NDUFA12: variants seen among roughly 807,000 people sequenced by gnomAD.
The protein encoded by NDUFA12 is NADH dehydrogenase [ubiquinone] 1 alpha subcomplex subunit 12.
In NDUFA12, 17 loss-of-function variants were observed where a neutral mutation model predicts 20.3. The observed-to-expected ratio is 0.84, with a 90% CI of 0.57 to 1.26. The LOEUF is 1.26. Among genes scored for constraint, NDUFA12 ranks in the 50% most tolerant of loss-of-function variants. The pLI is 0.00. For missense variants in NDUFA12, 191 were observed against 183.7 expected (o/e 1.04, Z -0.23); for synonymous variants, 72 against 63.6 (o/e 1.13, Z -0.63).
Position 94,971,599 on chromosome 12 carries a change from C to T in NDUFA12, c.279G>A (p.Met93Ile). ...GTTTTGTTGTTGGAGGATCATCAGT[C>T]ATACTGTGAAGCCAACGATGCCTTA... ...PPEWHRWLHS[M>I]TDDPPTTKPL... The change falls in exon 4 of 4, where the codon ATG (methionine) becomes ATA (isoleucine). Residue 93 changes from methionine (M) to isoleucine (I), a missense_variant. Coordinates refer to ENST00000327772, the MANE Select transcript of NDUFA12 (RefSeq NM_018838.5). The T allele has an allele frequency of 1.2e-6, 2 of 1,614,076 alleles. No homozygotes were observed. Among genetic ancestry groups the T allele is most frequent in the Non-Finnish European group, 1.7e-6 (2 of 1,180,014 alleles).
intron 2 of NDUFA12, chr12:94,997,176 C>T (rs1443563015): frequency 9.2e-6 from 2 of 218,164 alleles, no homozygotes; most frequent in Admixed American, 6.1e-5. Flanking sequence ...CCTCATCACA[C>T]TCACACATAC....
At chr12:95,001,556 A>G (rs563029537) in intron 2 of NDUFA12, among the ~76,000 whole-genome samples, 2 of 152,078 alleles carry the variant, frequency 1.3e-5, no homozygotes, top group East Asian at 3.9e-4. Flanking sequence ...TGAGCCCAGA[A>G]AGTTGAGGCT....
In NDUFA12 at chr12:95,003,691, T is replaced by C. The variant is rs200224620; in HGVS notation, c.-11A>G. 586 of 1,614,122 alleles carry C rather than the reference T, an allele frequency of 3.6e-4. No individual in the cohort carries two copies. The highest frequency in any genetic ancestry group is 7.2e-4 in the Admixed American group (43 of 60,024). On this transcript the variant is annotated 5_prime_UTR_variant, in exon 1 of 4. Coordinates refer to ENST00000327772, the MANE Select transcript of NDUFA12 (RefSeq NM_018838.5). ...CTGCACTAACTCCATCTTGCCTCGC[T>C]GGCCCCGCCTCCCGGGTGCGCCGAG...
At chr12:94,998,352 T>C (rs890472924) in intron 2 of NDUFA12, among the ~76,000 whole-genome samples, 11 of 152,104 alleles carry the variant, frequency 7.2e-5, no homozygotes, top group Non-Finnish European at 1.6e-4. Flanking sequence ...AAGCCATATA[T>C]GACAAACCCA....
At chr12:94,973,223 G>A (rs532903013) in intron 3 of NDUFA12, among the ~76,000 whole-genome samples, 1 of 152,320 alleles carries the variant, frequency 6.6e-6, no homozygotes, top group South Asian at 2.1e-4. Flanking sequence ...TATGATTACA[G>A]TTGCTATGTT....
intron 3 of NDUFA12, among the ~76,000 whole-genome samples, chr12:94,972,212 GCCA>G (rs1323452656): frequency 6.6e-6 from 1 of 152,106 alleles, no homozygotes; most frequent in Non-Finnish European, 1.5e-5. Context: ...ATAGGCATGA[GCCA>G]CCATGCCCGG....
chr12:94,993,024 A>T (rs1331438405), intron 3 of NDUFA12, among the ~76,000 whole-genome samples: 2 of 152,230 alleles, frequency 1.3e-5, no homozygotes, highest in East Asian at 3.8e-4. Flanking sequence ...AGAGATATTC[A>T]ATAAATATTT....
At chr12:94,980,708 T>A (rs554843888) in intron 3 of NDUFA12, among the ~76,000 whole-genome samples, 2 of 152,124 alleles carry the variant, frequency 1.3e-5, no homozygotes, top group Non-Finnish European at 2.9e-5. Context: ...GGTGTAACTA[T>A]GCTGAGAGAG....
chr12:94,996,334 C>G (rs1352737562), intron 2 of NDUFA12, among the ~76,000 whole-genome samples: 1 of 113,216 alleles, frequency 8.8e-6, no homozygotes, highest in African/African-American at 4.9e-5. Flanking sequence ...TACACACACA[C>G]ACACACACAC....
chr12:94,984,792 A>G (rs1210716291), intron 3 of NDUFA12, among the ~76,000 whole-genome samples: 12 of 147,106 alleles, frequency 8.2e-5, no homozygotes, highest in Non-Finnish European at 1.3e-4. Context: ...ATCCTGGCCA[A>G]CATGGTGAAA....
intron 3 of NDUFA12, among the ~76,000 whole-genome samples, chr12:94,977,467 T>A (rs556058373): frequency 1.0e-3 from 49 of 48,712 alleles, no homozygotes; most frequent in African/African-American, 4.1e-3. Context: ...CAAGACCTTG[T>A]GTCAAAAAAA....
rs529111323 is a variant in NDUFA12, at chr12:94,991,317, G to A, written c.257+2853C>T. Among the ~76,000 whole-genome samples the A allele has an allele frequency of 2.6e-5, 4 of 152,024 alleles. No homozygotes were observed. The South Asian group carries it at 6.2e-4, about 24-fold the overall frequency. ...AATAATAAAATGTTCTGGGCCACAC[G>A]TGGCAAGTGGTTACCCTATTGGACA... On this transcript the variant is annotated intron_variant, in intron 3 of 3. Coordinates refer to ENST00000327772, the MANE Select transcript of NDUFA12 (RefSeq NM_018838.5).
chr12:94,984,714 C>CAA (rs1162774247), intron 3 of NDUFA12, among the ~76,000 whole-genome samples: 73 of 6,836 alleles, frequency 0.011, 1 homozygote, highest in African/African-American at 0.041. Context: ...TGCTAATAGC[C>CAA]AAAAAAAAAA....
chr12:94,999,052 C>A (rs1874932536), intron 2 of NDUFA12, among the ~76,000 whole-genome samples: 1 of 152,146 alleles, frequency 6.6e-6, no homozygotes, highest in South Asian at 2.1e-4. Flanking sequence ...AAGAACAAAT[C>A]TAGAGACTTC....
intron 3 of NDUFA12, among the ~76,000 whole-genome samples, chr12:94,979,417 A>G (rs1874164196): frequency 1.3e-5 from 2 of 152,248 alleles, no homozygotes. Context: ...TCTTATAATC[A>G]GAAAAAATCT....
intron 2 of NDUFA12, chr12:94,997,418 A>T (rs1243523546): frequency 6.6e-6 from 1 of 152,248 alleles, no homozygotes. Flanking sequence ...CACCTAGCAC[A>T]TGGTAATCAC....
Position 94,995,598 on chromosome 12 carries a change from C to T in NDUFA12, c.170-1341G>A, listed in dbSNP as rs562065113. ...AGGCTGGAGTGCAATGGCGCGGCCT[C>T]GGCTCACTGCCTGCAACCTCCCCTT... On this transcript the variant is annotated intron_variant, in intron 2 of 3. Coordinates refer to ENST00000327772, the MANE Select transcript of NDUFA12 (RefSeq NM_018838.5). 7.8e-4 allele frequency among the ~76,000 whole-genome samples: 119 copies of T among 152,136 alleles called. 1 individual carries two copies. The highest frequency in any genetic ancestry group is 1.2e-3 in the Non-Finnish European group (85 of 68,032).
intron 2 of NDUFA12, among the ~76,000 whole-genome samples, chr12:95,001,456 C>A (rs2136074023): frequency 6.6e-6 from 1 of 151,354 alleles, no homozygotes; most frequent in Admixed American, 6.6e-5. Context: ...CTCGTCTCTC[C>A]AAAAAAAAAT....
intron 1 of NDUFA12, 52 bp from the exon 2 acceptor site, chr12:95,002,873 A>C: frequency 6.7e-7 from 1 of 1,489,492 alleles, no homozygotes; most frequent in Non-Finnish European, 9.4e-7. Flanking sequence ...TTAGTTCAAA[A>C]CATAAACGGA....
Sources: gnomAD v4.1 joint callset for allele counts (sites outside exome capture counted in the v4.1 genomes callset) on GRCh38, gnomAD v4.1.1 for gene constraint, MANE v1.5 for transcripts, NCBI Gene and HGNC (gene_info 2026-07-23, HGNC 2026-07-21) for gene names.